The following SNX29 variants were observed in gnomAD, a reference collection of about 807,000 sequenced individuals.
SNX29 encodes sorting nexin 29.
In SNX29, 78 loss-of-function variants were observed where a neutral mutation model predicts 102.1. The observed-to-expected ratio is 0.76, with a 90% CI of 0.64 to 0.92. SNX29 has a LOEUF of 0.92. Ranked by LOEUF, SNX29 falls within the 40% of genes least tolerant of loss-of-function variation. SNX29 has a pLI of 0.00. For missense variants in SNX29, 1,280 were observed against 1,061.7 expected (o/e 1.21, Z -2.86); for synonymous variants, 580 against 414.5 (o/e 1.40, Z -4.85).
rs545095986 is a variant in SNX29 at position 12,463,502 on chromosome 16, T to C, written c.2038-14217T>C. Among the ~76,000 whole-genome samples the C allele has an allele frequency of 2.0e-5, 3 of 152,166 alleles. 1 individual carries two copies. The South Asian group carries it at 6.2e-4, about 32-fold the overall frequency. Reference sequence around the variant, plus strand: ...AGAGAAACTCTGCCTTATACAGACATCAGATCTCATGAGACTTATTCACTA... The same window carrying C: ...AGAGAAACTCTGCCTTATACAGACACCAGATCTCATGAGACTTATTCACTA... On this transcript the variant is annotated intron_variant, in intron 18 of 20. Coordinates refer to ENST00000566228, the MANE Select transcript of SNX29 (RefSeq NM_032167.5).
intron 18 of SNX29, among the ~76,000 whole-genome samples, chr16:12,440,069 C>A (rs1017456465): frequency 1.3e-5 from 2 of 152,166 alleles, no homozygotes; most frequent in African/African-American, 4.8e-5. Flanking sequence ...GAATGTCACC[C>A]ACCCCACCGG....
intron 20 of SNX29, among the ~76,000 whole-genome samples, chr16:12,547,266 C>G (rs1019214928): frequency 1.3e-5 from 2 of 152,156 alleles, no homozygotes; most frequent in African/African-American, 2.4e-5. Flanking sequence ...GTCCTGCAGC[C>G]TTGAAGAGTT....
chr16:12,269,145 C>T (rs909435982), intron 14 of SNX29, among the ~76,000 whole-genome samples: 3 of 152,154 alleles, frequency 2.0e-5, no homozygotes, highest in Non-Finnish European at 2.9e-5. Flanking sequence ...TTGTTTTTGC[C>T]AAATCATTAT....
chr16:12,571,229 G>T lies in SNX29; in HGVS notation c.*2600G>T, dbSNP rs149667603. The T allele has an allele frequency of 2.6e-3, 610 of 232,326 alleles. 2 individuals are homozygous for T. Among genetic ancestry groups the T allele is most frequent in the African/African-American group, 0.012 (559 of 45,398 alleles). 14.4% of individuals were successfully genotyped at this position (232,326 alleles called of 1,614,324 possible). ...CAACTGGCAGGGTTCCCAGTTCCTG[G>T]AGTTATGGAGCAGAAACACCCAGGC... On this transcript the variant is annotated 3_prime_UTR_variant, in exon 21 of 21. Transcript: ENST00000566228.
At position 12,041,045 on chromosome 16, in the gene SNX29, G is replaced by A. The variant is rs548214298; in HGVS notation, c.248-1852G>A. Among the ~76,000 whole-genome samples the A allele has an allele frequency of 6.6e-5, 10 of 152,260 alleles. 1 individual carries two copies. The South Asian group carries it at 1.7e-3, about 25-fold the overall frequency. On this transcript the variant is annotated intron_variant, in intron 4 of 20. Coordinates refer to ENST00000566228, the MANE Select transcript of SNX29 (RefSeq NM_032167.5). ...CAGGATGGTCATCTCTTGACCTCGT[G>A]ATCTGCCTGCCTTGGCCTCCCAAAG...
rs905881376 is a variant in SNX29, at chr16:12,572,610, C to A, written c.*3981C>A. 2.8e-6 allele frequency: 3 copies of A among 1,063,988 alleles called. No homozygotes were observed. The African/African-American group carries it at 4.9e-5, about 17-fold the overall frequency. The allele number at this position is 1,063,988 out of a possible 1,614,324, so 65.9% of individuals were successfully genotyped here. A position where few individuals can be genotyped will look rare whatever the true frequency, so the allele number is the denominator to read the frequency against. The stretch of plus-strand genomic sequence containing the variant: ...GGCTCCCAGTGAGCCCCCTCCCCTC[C>A]GGCTACCCCCAGAATCCATCCTTCA... On this transcript the variant is annotated 3_prime_UTR_variant, in exon 21 of 21. Transcript: ENST00000566228.
At chr16:12,463,817 A>AGTGTTT (rs1555544979) in intron 18 of SNX29, among the ~76,000 whole-genome samples, 1 of 143,270 alleles carries the variant, frequency 7.0e-6, no homozygotes, top group South Asian at 2.3e-4. Flanking sequence ...TCCCGAAGTG[A>AGTGTTT]GTGTGTGTGT....
chr16:12,001,666 T>C (rs2056293115), intron 2 of SNX29, among the ~76,000 whole-genome samples: 1 of 152,034 alleles, frequency 6.6e-6, no homozygotes, highest in South Asian at 2.1e-4. Flanking sequence ...GTTTTGATAA[T>C]AAGTTTAGGA....
chr16:12,005,508 A>C (rs1567516446), intron 3 of SNX29, among the ~76,000 whole-genome samples: 1 of 152,106 alleles, frequency 6.6e-6, no homozygotes, highest in Non-Finnish European at 1.5e-5. Context: ...ATGCAAAGGT[A>C]ATTAGGAAAG....
chr16:12,231,849 C>T (rs2077780034), intron 14 of SNX29, among the ~76,000 whole-genome samples: 1 of 152,206 alleles, frequency 6.6e-6, no homozygotes, highest in Non-Finnish European at 1.5e-5. Flanking sequence ...ATTTGTAATT[C>T]ATGAGTCACT....
chr16:12,524,648 T>C (rs2090228539), intron 19 of SNX29, 54 bp from the exon 20 acceptor site: 1 of 1,588,378 alleles, frequency 6.3e-7, no homozygotes, highest in Non-Finnish European at 8.6e-7. Flanking sequence ...ATAGGGTCAT[T>C]TCTGACCAGG....
Position 12,399,414 on chromosome 16 carries a change from G to A in SNX29, c.1955+913G>A, listed in dbSNP as rs138004783. ...GATCCCTTAGGCTGGTAAAGGAAAT[G>A]GATAAGTTGTCTCCTCTCTCATTCA... On this transcript the variant is annotated intron_variant, in intron 17 of 20. Coordinates refer to ENST00000566228, the MANE Select transcript of SNX29 (RefSeq NM_032167.5). 3.9e-5 allele frequency among the ~76,000 whole-genome samples: 6 copies of A among 152,282 alleles called. No individual in the cohort carries two copies. In the East Asian group the frequency reaches 1.2e-3, roughly 29 times the overall value.
chr16:12,311,202 G>A (rs781780158), intron 15 of SNX29, among the ~76,000 whole-genome samples: 2 of 151,456 alleles, frequency 1.3e-5, no homozygotes, highest in South Asian at 2.1e-4. Flanking sequence ...TGAACCCCCC[G>A]CCCCCTACCC....
intron 16 of SNX29, among the ~76,000 whole-genome samples, chr16:12,379,110 C>T (rs1484881320): frequency 6.6e-6 from 1 of 152,080 alleles, no homozygotes; most frequent in Admixed American, 6.5e-5. Context: ...TGTTTCCTGC[C>T]CCTTCTTTTC....
intron 13 of SNX29, among the ~76,000 whole-genome samples, chr16:12,178,012 A>G (rs1030019671): frequency 4.6e-5 from 7 of 152,206 alleles, no homozygotes; most frequent in Non-Finnish European, 8.8e-5. Context: ...CCCGTAGTCT[A>G]CTTTGTCTTA....
At chr16:12,562,880 T>C (rs1378652623) in intron 20 of SNX29, among the ~76,000 whole-genome samples, 2 of 152,206 alleles carry the variant, frequency 1.3e-5, no homozygotes, top group South Asian at 4.1e-4. Flanking sequence ...TTGTCATTTC[T>C]AGTTTTGGGA....
intron 10 of SNX29, among the ~76,000 whole-genome samples, chr16:12,071,028 C>G (rs1233489196): frequency 6.6e-6 from 1 of 151,322 alleles, no homozygotes; most frequent in African/African-American, 2.4e-5. Context: ...TTGTTTTTTT[C>G]TTGTAAATTT....
chr16:12,072,664 A>G (rs1231414887), intron 10 of SNX29, among the ~76,000 whole-genome samples: 4 of 152,148 alleles, frequency 2.6e-5, no homozygotes, highest in Non-Finnish European at 5.9e-5. Context: ...CTTTGGTATC[A>G]AGATGATGCT....
At chr16:12,383,468 G>T (rs1313772008) in intron 16 of SNX29, among the ~76,000 whole-genome samples, 1 of 151,114 alleles carries the variant, frequency 6.6e-6, no homozygotes, top group Non-Finnish European at 1.5e-5. Context: ...ACAGAGTCTC[G>T]CTCTCTTGCC....
Sources: gnomAD v4.1 joint callset for allele counts (sites outside exome capture counted in the v4.1 genomes callset) on GRCh38, gnomAD v4.1.1 for gene constraint, MANE v1.5 for transcripts, NCBI Gene and HGNC (gene_info 2026-07-23, HGNC 2026-07-21) for gene names.